The following HEATR3 variants were observed in gnomAD, a reference collection of about 807,000 sequenced individuals.
HEATR3 encodes the protein HEAT repeat-containing protein 3.
Under a neutral mutation model 72.8 loss-of-function variants are expected in HEATR3, and 56 were observed. That is an observed-to-expected ratio of 0.77 (90% CI 0.62 to 0.96). The LOEUF is 0.96. Ranked by LOEUF, HEATR3 falls within the 40% of genes least tolerant of loss-of-function variation. HEATR3 has a pLI of 0.00. For synonymous variants in HEATR3, 331 were observed against 318.1 expected, an observed-to-expected ratio of 1.04 and a Z score of -0.43; for missense variants, 747 against 831.4, an observed-to-expected ratio of 0.90 and a Z score of 1.25.
intron 11 of HEATR3, among the ~76,000 whole-genome samples, chr16:50,093,973 A>T (rs2037175646): frequency 6.6e-6 from 1 of 152,202 alleles, no homozygotes; most frequent in Non-Finnish European, 1.5e-5. Flanking sequence ...GGGAAGTGGC[A>T]AGGTTCTTGA....
chr16:50,086,672 G>C (rs1424133565), intron 11 of HEATR3, among the ~76,000 whole-genome samples: 1 of 152,200 alleles, frequency 6.6e-6, no homozygotes, highest in Non-Finnish European at 1.5e-5. Flanking sequence ...GCTCATGCCT[G>C]TAGTCCCAGC....
At chr16:50,073,202 G>T (rs924488289) in intron 5 of HEATR3, 3 of 154,588 alleles carry the variant, frequency 1.9e-5, no homozygotes, top group African/African-American at 7.2e-5. Flanking sequence ...CCTTCCATGA[G>T]ACAGGGAAGG....
In HEATR3 at chr16:50,083,366, T is replaced by G. The variant is rs1651535423; in HGVS notation, c.1042-571T>G. ...ATATATTTTCAGAGAAAAAAAAAGC[T>G]TCCTTCTTTCTTTAGTCTTAGAGAA... is the stretch of plus-strand genomic sequence containing the variant. On this transcript the variant is annotated intron_variant, in intron 7 of 14. Transcript: ENST00000299192. 2.0e-5 allele frequency among the ~76,000 whole-genome samples: 3 copies of G among 152,212 alleles called. No homozygotes were observed. The South Asian group carries it at 6.2e-4, about 32-fold the overall frequency.
intron 10 of HEATR3, among the ~76,000 whole-genome samples, chr16:50,085,159 T>C (rs1445562491): frequency 6.6e-6 from 1 of 151,958 alleles, no homozygotes; most frequent in Non-Finnish European, 1.5e-5. Flanking sequence ...GTATGGTGCT[T>C]ACCTGTAGGT....
In HEATR3 at chr16:50,070,345, C is replaced by T. The variant is rs2036584472; in HGVS notation, c.512+55C>T. On this transcript the variant is annotated intron_variant, in intron 4 of 14. Transcript: ENST00000299192. ...CTATAGCAGTACCCAGGCTGCTATT[C>T]TCTGTTATACTGTGTAGGAATCTCT... The T allele has an allele frequency of 8.0e-5, 67 of 839,376 alleles. 1 individual carries two copies. In the South Asian group the frequency reaches 1.1e-3, roughly 13 times the overall value. 52.0% of individuals were successfully genotyped at this position (839,376 alleles called of 1,614,324 possible).
At position 50,102,452 on chromosome 16, in the gene HEATR3, C is replaced by T. The variant is rs1229054854; in HGVS notation, c.1920+17C>T. On this transcript the variant is annotated intron_variant, in intron 14 of 14. Transcript: ENST00000299192. ...AAAATGAAGGTTTGTAGCCATTTAA[C>T]TTATAAATACATAAGTCTGAACATT... is the stretch of plus-strand genomic sequence containing the variant. 1 of 1,609,544 alleles carries T rather than the reference C, an allele frequency of 6.2e-7. No individual in the cohort carries two copies. The highest frequency in any genetic ancestry group is 8.5e-7 in the Non-Finnish European group (1 of 1,177,096).
chr16:50,075,672 A>G lies in HEATR3; in HGVS notation c.724A>G (p.Ser242Gly). 6.2e-7 allele frequency: 1 copy of G among 1,613,944 alleles called. No homozygotes were observed. Among genetic ancestry groups the G allele is most frequent in the Non-Finnish European group, 8.5e-7 (1 of 1,179,862 alleles). The part of the protein sequence containing the change: ...MLESALLSPV[S>G]SMESLLLKTL... ...GGAATCAGCACTGCTTTCTCCTGTCAGTTCCATGGAATCTCTTCTATTGAA... is the reference window on the plus strand; with the variant it reads ...GGAATCAGCACTGCTTTCTCCTGTCGGTTCCATGGAATCTCTTCTATTGAA... The change falls in exon 6 of 15, where the codon AGT becomes GGT. Residue 242 changes from serine to glycine, a missense_variant. Around this residue, in one of 2 missense-constraint regions of HEATR3, gnomAD observed 586 missense variants for 708.8 expected, o/e 0.83. Coordinates refer to ENST00000299192, the MANE Select transcript of HEATR3 (RefSeq NM_182922.4).
chr16:50,075,266 G>A (rs2036699326), intron 5 of HEATR3, among the ~76,000 whole-genome samples: 1 of 145,146 alleles, frequency 6.9e-6, no homozygotes, highest in Non-Finnish European at 1.5e-5. Context: ...GTAGTGAGCT[G>A]AGATGCGCCA....
chr16:50,075,255 T>G (rs1157661631), intron 5 of HEATR3, among the ~76,000 whole-genome samples: 2 of 147,996 alleles, frequency 1.4e-5, no homozygotes, highest in East Asian at 4.0e-4. Context: ...AGGCAGAGGT[T>G]GTAGTGAGCT....
Position 50,066,170 on chromosome 16 carries a change from G to T in HEATR3, c.39G>T (p.Gln13His). Residue 13 changes from glutamine (Q) to histidine (H), a missense_variant, in exon 1 of 15, where the codon CAG becomes CAT. Transcript: ENST00000299192. ...GGACGAAGCGCTTCAAGCGACCTCAGTTCTCCCCTACGGGCGACTGTCAGG... is the reference window on the plus strand; with the variant it reads ...GGACGAAGCGCTTCAAGCGACCTCATTTCTCCCCTACGGGCGACTGTCAGG... ...KSRTKRFKRPQFSPTGDCQAE... is the reference protein window; with the variant it reads ...KSRTKRFKRPHFSPTGDCQAE... 2 of 1,596,982 alleles carry T rather than the reference G, an allele frequency of 1.3e-6. No individual in the cohort carries two copies. Among genetic ancestry groups the T allele is most frequent in the Non-Finnish European group, 8.5e-7 (1 of 1,173,186 alleles).
At chr16:50,093,313 A>G (rs999109694) in intron 11 of HEATR3, among the ~76,000 whole-genome samples, 1 of 152,118 alleles carries the variant, frequency 6.6e-6, no homozygotes, top group South Asian at 2.1e-4. Flanking sequence ...AACAACAACA[A>G]CAATCATTTA....
chr16:50,098,610 C>T (rs1003231708), intron 12 of HEATR3, among the ~76,000 whole-genome samples: 8 of 151,760 alleles, frequency 5.3e-5, no homozygotes, highest in East Asian at 1.9e-4. Flanking sequence ...GAGCCAAGAT[C>T]GGGCCACTGT....
At chr16:50,100,475 A>T in intron 13 of HEATR3, 102 bp downstream of exon 13, 1 of 1,122,730 alleles carries the variant, frequency 8.9e-7, no homozygotes, top group Non-Finnish European at 1.3e-6. Context: ...TGAAGAGAAG[A>T]AGTCATATCA....
At position 50,084,154 on chromosome 16, in the gene HEATR3, G is replaced by A. The variant is rs776628891; in HGVS notation, c.1153G>A (p.Glu385Lys). 14 of 1,614,042 alleles carry A rather than the reference G, an allele frequency of 8.7e-6. No individual in the cohort carries two copies. The highest frequency in any genetic ancestry group is 1.1e-5 in the South Asian group (1 of 91,088). Residue 385 changes from glutamate (E) to lysine (K), a missense_variant, in exon 9 of 15, where the codon GAA becomes AAA. By Grantham distance (56) the Glu-to-Lys change is moderately conservative. This residue lies in a region of HEATR3 where 586 missense variants were observed against 708.8 expected (regional missense o/e 0.83). Coordinates refer to ENST00000299192, the MANE Select transcript of HEATR3 (RefSeq NM_182922.4). Reference protein sequence around the residue: ...CNEDPSDDEWEELSSSDESDA... With the variant: ...CNEDPSDDEWKELSSSDESDA... ...CCCAGATCCCTCTGATGACGAATGGGAAGAGCTTTCTAGCAGTGATGAAAG... is the reference window on the plus strand; with the variant it reads ...CCCAGATCCCTCTGATGACGAATGGAAAGAGCTTTCTAGCAGTGATGAAAG...
chr16:50,083,993 T>C lies in HEATR3; in HGVS notation c.1098T>C (p.Ala366=), dbSNP rs140419495. Residue 366 remains alanine (A), a synonymous_variant, in exon 8 of 15, where the codon GCT becomes GCC. Coordinates refer to ENST00000299192, the MANE Select transcript of HEATR3 (RefSeq NM_182922.4). ...TIALLTAQQT[A]LEIIVNMCCN... ...CATTGCTGACAGCCCAACAGACTGC[T>C]CTGGAAATTATTGTCAACATGTGCT... 6.2e-7 allele frequency: 1 copy of C among 1,613,852 alleles called. No individual in the cohort carries two copies. Among genetic ancestry groups the C allele is most frequent in the East Asian group, 2.2e-5 (1 of 44,876 alleles).
Position 50,075,590 on chromosome 16 carries a change from G to A in HEATR3, c.642G>A (p.Val214=), listed in dbSNP as rs780351279. 7 of 1,613,300 alleles carry A rather than the reference G, an allele frequency of 4.3e-6. No individual in the cohort carries two copies. Among genetic ancestry groups the A allele is most frequent in the Non-Finnish European group, 5.9e-6 (7 of 1,179,374 alleles). Residue 214 remains valine (V), a synonymous_variant, in exon 6 of 15, where the codon GTG becomes GTA. Coordinates refer to ENST00000299192, the MANE Select transcript of HEATR3 (RefSeq NM_182922.4). ...TCGTAGCATATTGTTTGCAGACAGT[G>A]ACTGAGGATAACCCAGAGCTGCTGA... ...AISVAYCLQT[V]TEDNPELLKS...
intron 6 of HEATR3, among the ~76,000 whole-genome samples, chr16:50,077,141 T>G (rs932444997): frequency 1.3e-5 from 2 of 152,116 alleles, no homozygotes; most frequent in African/African-American, 4.8e-5. Flanking sequence ...CCCAAAGTGC[T>G]GGGATCACAG....
At chr16:50,068,921 T>C in intron 3 of HEATR3, 54 bp downstream of exon 3, 2 of 1,286,944 alleles carry the variant, frequency 1.6e-6, no homozygotes, top group Non-Finnish European at 2.2e-6. Flanking sequence ...AAACTTAGAC[T>C]TTTTTTAGTA....
intron 4 of HEATR3, among the ~76,000 whole-genome samples, chr16:50,071,538 T>C (rs936452120): frequency 2.0e-5 from 3 of 152,236 alleles, no homozygotes; most frequent in Non-Finnish European, 2.9e-5. Flanking sequence ...TGATTTCTCT[T>C]TTCTGAATAC....
Sources: allele counts gnomAD v4.1 joint callset (sites outside exome capture counted in the v4.1 genomes callset), GRCh38; gene constraint gnomAD v4.1.1; regional missense constraint gnomAD v4.1.1; transcripts MANE v1.5; gene names NCBI Gene and HGNC (gene_info 2026-07-23, HGNC 2026-07-21).